Variants in CATSPERT observed in about 807,000 individuals in gnomAD.
The protein encoded by CATSPERT is catsper channel auxiliary subunit tau.
chr2:201,495,685 G>GTT, the CATSPERT span, among the ~76,000 whole-genome samples: 751 of 131,102 alleles, frequency 5.7e-3, 9 homozygotes, highest in South Asian at 0.031. Flanking sequence ...AATCCCCTTG[G>GTT]TTTTTTTTTT....
At chr2:201,606,922 T>C in the CATSPERT span, among the ~76,000 whole-genome samples, 7 of 147,852 alleles carry the variant, frequency 4.7e-5, 1 homozygote, top group Middle Eastern at 7.1e-3. Flanking sequence ...AAAAGACTTA[T>C]GGAGAGCAGT....
chr2:201,525,079 T>C, the CATSPERT span, among the ~76,000 whole-genome samples: 1 of 152,074 alleles, frequency 6.6e-6, no homozygotes, highest in Non-Finnish European at 1.5e-5. Context: ...ACAAAGATAT[T>C]CGGGACCTAA....
chr2:201,491,517 TTTATTATTG>T, the CATSPERT span: 1 of 1,536,092 alleles, frequency 6.5e-7, no homozygotes, highest in Non-Finnish European at 8.7e-7. Context: ...CTAAATGCTT[TTTATTATTG>T]TTATTATTTC....
At chr2:201,546,754 G>A in the CATSPERT span, among the ~76,000 whole-genome samples, 1 of 152,098 alleles carries the variant, frequency 6.6e-6, no homozygotes, top group Admixed American at 6.6e-5. Flanking sequence ...CTATGACACA[G>A]TCCAGCTTCT....
At chr2:201,587,973 A>G in the CATSPERT span, among the ~76,000 whole-genome samples, 3 of 152,310 alleles carry the variant, frequency 2.0e-5, no homozygotes, top group South Asian at 6.2e-4. Context: ...GAATAGACCA[A>G]TAACAAGCTC....
chr2:201,551,549 G>A, the CATSPERT span, among the ~76,000 whole-genome samples: 1 of 152,136 alleles, frequency 6.6e-6, no homozygotes. Flanking sequence ...AGTTCATACT[G>A]TACTACTGTA....
At chr2:201,532,851 G>GGACTCAGTTGTGGGTTCATTGGA in the CATSPERT span, among the ~76,000 whole-genome samples, 2 of 152,244 alleles carry the variant, frequency 1.3e-5, no homozygotes, top group East Asian at 3.9e-4. Context: ...TAGTCATTGG[G>GGACTCAGTTGTGGGTTCATTGGA]GACTCAGTTG....
At chr2:201,499,075 G>A in the CATSPERT span, among the ~76,000 whole-genome samples, 1 of 152,106 alleles carries the variant, frequency 6.6e-6, no homozygotes, top group Non-Finnish European at 1.5e-5. Flanking sequence ...AGGGAAGCCT[G>A]CCCAGCACAT....
At chr2:201,609,358 G>C in the CATSPERT span, among the ~76,000 whole-genome samples, 1 of 152,152 alleles carries the variant, frequency 6.6e-6, no homozygotes, top group African/African-American at 2.4e-5. Context: ...GACATTTACA[G>C]AATATTTCAT....
At chr2:201,504,384 T>C in the CATSPERT span, among the ~76,000 whole-genome samples, 2 of 152,346 alleles carry the variant, frequency 1.3e-5, no homozygotes, top group South Asian at 4.1e-4. Flanking sequence ...ATACCAGAAA[T>C]AGAGCTTGGT....
At chr2:201,536,493 C>T in the CATSPERT span, among the ~76,000 whole-genome samples, 2 of 151,800 alleles carry the variant, frequency 1.3e-5, no homozygotes, top group Non-Finnish European at 2.9e-5. Context: ...TCTTTACTTG[C>T]CTGAAACCAT....
chr2:201,505,568 A>G, the CATSPERT span, among the ~76,000 whole-genome samples: 2 of 152,210 alleles, frequency 1.3e-5, no homozygotes, highest in African/African-American at 4.8e-5. Context: ...GATTGGGGAC[A>G]TTCTGCAGGA....
chr2:201,574,171 G>A, the CATSPERT span: 2 of 1,460,328 alleles, frequency 1.4e-6, no homozygotes, highest in East Asian at 2.4e-5. Context: ...TGACTGAAGA[G>A]TTACAACAGA....
chr2:201,599,231 G>A, the CATSPERT span, among the ~76,000 whole-genome samples: 1 of 152,106 alleles, frequency 6.6e-6, no homozygotes, highest in African/African-American at 2.4e-5. Flanking sequence ...AATCCTGGGT[G>A]CAATTTTAGA....
At chr2:201,605,627 C>T in the CATSPERT span, among the ~76,000 whole-genome samples, 1 of 151,982 alleles carries the variant, frequency 6.6e-6, no homozygotes, top group Admixed American at 6.6e-5. Flanking sequence ...CCAAGAAATA[C>T]GGAAAATCCG....
At chr2:201,552,685 G>C in the CATSPERT span, among the ~76,000 whole-genome samples, 1 of 152,132 alleles carries the variant, frequency 6.6e-6, no homozygotes, top group Admixed American at 6.6e-5. Context: ...GCATGGGTAG[G>C]GGGTGGCAAC....
chr2:201,524,915 A>T, the CATSPERT span, among the ~76,000 whole-genome samples: 1 of 152,260 alleles, frequency 6.6e-6, no homozygotes, highest in Non-Finnish European at 1.5e-5. Context: ...AAGAAGACTT[A>T]ACTATCCTAA....
At chr2:201,614,410 T>C in the CATSPERT span, among the ~76,000 whole-genome samples, 1 of 152,234 alleles carries the variant, frequency 6.6e-6, no homozygotes, top group Non-Finnish European at 1.5e-5. Context: ...ATATTCAACA[T>C]TTTTAAAGAA....
chr2:201,559,052 C>T, the CATSPERT span, among the ~76,000 whole-genome samples: 2 of 152,278 alleles, frequency 1.3e-5, 1 homozygote. Flanking sequence ...GCCCCCAAGC[C>T]GAAGAGACTC....
Sources: allele counts gnomAD v4.1 joint callset (sites outside exome capture counted in the v4.1 genomes callset), GRCh38; gene constraint gnomAD v4.1.1; transcripts MANE v1.5; gene names NCBI Gene and HGNC (gene_info 2026-07-23, HGNC 2026-07-21).